ERICH5: variants seen among roughly 807,000 people sequenced by gnomAD.
ERICH5 encodes glutamate-rich protein 5.
ERICH5 carries 24 observed loss-of-function variants against 28.0 expected under a neutral mutation model. The ratio of observed to expected loss-of-function variants is 0.86; its 90% confidence interval spans 0.62 to 1.21. The LOEUF (loss-of-function observed/expected upper bound fraction) is 1.21, where lower values mean the gene tolerates loss of function less well. ERICH5 is among the 50% of genes most tolerant of loss of function. The pLI, the probability that ERICH5 is intolerant of heterozygous loss-of-function variation, is 0.00. For missense variants in ERICH5, 421 were observed against 441.2 expected (o/e 0.95, Z 0.41); for synonymous variants, 163 against 157.6 (o/e 1.03, Z -0.25).
chr8:98,082,374 G>A (rs904310166), intron 1 of ERICH5, among the ~76,000 whole-genome samples: 10 of 152,122 alleles, frequency 6.6e-5, no homozygotes, highest in South Asian at 6.2e-4. Flanking sequence ...GGCTGGGCAC[G>A]GTGGCTCCTG....
rs1815005651 is a variant in ERICH5 at position 98,074,156 on chromosome 8, C to A, written c.58+9429C>A. On this transcript the variant is annotated intron_variant, in intron 1 of 2. Coordinates refer to ENST00000318528, the MANE Select transcript of ERICH5 (RefSeq NM_173549.3). The stretch of plus-strand genomic sequence containing the variant: ...AAGGTATCCGCCTGCCTCAGCCTCC[C>A]AAAGTGCTGGGATTATAGGTGTGAG... Among the ~76,000 whole-genome samples, 9 of 152,104 alleles carry A rather than the reference C, an allele frequency of 5.9e-5. No individual in the cohort carries two copies. In the South Asian group the frequency reaches 1.9e-3, roughly 32 times the overall value.
intron 2 of ERICH5, among the ~76,000 whole-genome samples, chr8:98,091,845 T>TTTCC (rs2130536927): frequency 7.6e-5 from 5 of 66,150 alleles, no homozygotes; most frequent in Admixed American, 6.6e-4. Context: ...TTTTTCTTTC[T>TTTCC]TTCTTTCTTT....
intron 1 of ERICH5, among the ~76,000 whole-genome samples, chr8:98,081,261 A>G (rs1815179397): frequency 6.6e-6 from 1 of 151,898 alleles, no homozygotes; most frequent in African/African-American, 2.4e-5. Flanking sequence ...CTGCACCACC[A>G]TACCCAGCTA....
At chr8:98,079,494 A>G (rs976682585) in intron 1 of ERICH5, among the ~76,000 whole-genome samples, 4 of 152,140 alleles carry the variant, frequency 2.6e-5, no homozygotes, top group East Asian at 1.9e-4. Flanking sequence ...ATTAACACCA[A>G]TCAAGTTTAG....
intron 1 of ERICH5, among the ~76,000 whole-genome samples, chr8:98,065,546 T>A (rs1814804817): frequency 6.6e-6 from 1 of 152,204 alleles, no homozygotes; most frequent in African/African-American, 2.4e-5. Flanking sequence ...AGATTGAAGA[T>A]AGAAGAGACA....
At chr8:98,081,255 A>G (rs1467277575) in intron 1 of ERICH5, among the ~76,000 whole-genome samples, 17 of 151,706 alleles carry the variant, frequency 1.1e-4, no homozygotes, top group Admixed American at 1.1e-3. Context: ...ACAGGCCTGC[A>G]CCACCATACC....
chr8:98,069,749 G>A (rs1477570791), intron 1 of ERICH5, among the ~76,000 whole-genome samples: 1 of 152,100 alleles, frequency 6.6e-6, no homozygotes, highest in Non-Finnish European at 1.5e-5. Flanking sequence ...TAGGTCAAAG[G>A]GTGTACGCAC....
chr8:98,091,889 T>TTTC (rs1313103650), intron 2 of ERICH5, among the ~76,000 whole-genome samples: 1 of 86,238 alleles, frequency 1.2e-5, no homozygotes, highest in African/African-American at 4.8e-5. Context: ...TCTTTCTTTC[T>TTTC]TTCTTTCTTT....
intron 2 of ERICH5, among the ~76,000 whole-genome samples, 187 bp downstream of exon 2, chr8:98,090,216 G>T (rs1056956002): frequency 2.0e-5 from 3 of 152,146 alleles, no homozygotes; most frequent in African/African-American, 7.2e-5. Context: ...CAGTTTGTCA[G>T]CAAAACTTTT....
intron 1 of ERICH5, among the ~76,000 whole-genome samples, chr8:98,080,560 C>T (rs1235763618): frequency 6.6e-6 from 1 of 152,100 alleles, no homozygotes; most frequent in Non-Finnish European, 1.5e-5. Flanking sequence ...GTTTTCCAAT[C>T]TTTCATTTCT....
rs1324989942 is a variant in ERICH5 at position 98,091,876 on chromosome 8, CTTT to C, written c.1013-1344_1013-1342del. ...TCTTTCTTTCTTTCTTTCTTTCTTT[CTTT>C]CTTTCTTTCTTTCTTTCTTTCCTTT... On this transcript the variant is annotated intron_variant, in intron 2 of 2. Coordinates refer to ENST00000318528, the MANE Select transcript of ERICH5 (RefSeq NM_173549.3). Among the ~76,000 whole-genome samples the C allele has an allele frequency of 2.0e-3, 185 of 91,878 alleles. 1 individual carries two copies. The highest frequency in any genetic ancestry group is 3.0e-3 in the South Asian group (7 of 2,300). The allele number at this position is 91,878 out of a possible 152,430, so 60.3% of individuals were successfully genotyped here.
intron 1 of ERICH5, among the ~76,000 whole-genome samples, chr8:98,067,479 A>G (rs983439467): frequency 1.1e-4 from 17 of 151,794 alleles, no homozygotes; most frequent in Admixed American, 6.6e-4. Context: ...AAGAAACTAT[A>G]TGTTTAAACC....
At chr8:98,079,480 C>G (rs1815131745) in intron 1 of ERICH5, among the ~76,000 whole-genome samples, 1 of 152,046 alleles carries the variant, frequency 6.6e-6, no homozygotes, top group Non-Finnish European at 1.5e-5. Context: ...TATGAATGGC[C>G]TTTATTAACA....
At chr8:98,090,339 C>T (rs1304907667) in intron 2 of ERICH5, among the ~76,000 whole-genome samples, 1 of 152,166 alleles carries the variant, frequency 6.6e-6, no homozygotes, top group Non-Finnish European at 1.5e-5. Context: ...CATCAGGCCC[C>T]ATGTATGAAA....
chr8:98,076,308 C>T (rs1815053531), intron 1 of ERICH5, among the ~76,000 whole-genome samples: 1 of 152,034 alleles, frequency 6.6e-6, no homozygotes, highest in Non-Finnish European at 1.5e-5. Flanking sequence ...CCCACCTTGG[C>T]CTCCCAAAGT....
intron 1 of ERICH5, among the ~76,000 whole-genome samples, chr8:98,078,599 A>G (rs767825567): frequency 9.2e-5 from 14 of 152,212 alleles, no homozygotes; most frequent in African/African-American, 2.2e-4. Context: ...AATTTCAGGT[A>G]TGTTAGCTTT....
At chr8:98,074,865 GT>G (rs1170720793) in intron 1 of ERICH5, among the ~76,000 whole-genome samples, 1 of 152,120 alleles carries the variant, frequency 6.6e-6, no homozygotes, top group African/African-American at 2.4e-5. Flanking sequence ...GATGTTCTTA[GT>G]TTTTCTCTAA....
At chr8:98,074,218 A>T (rs1815007496) in intron 1 of ERICH5, among the ~76,000 whole-genome samples, 1 of 152,084 alleles carries the variant, frequency 6.6e-6, no homozygotes, top group African/African-American at 2.4e-5. Flanking sequence ...TTAAAAAAGT[A>T]AATTTATTTA....
At chr8:98,083,797 C>T (rs117227181) in intron 1 of ERICH5, among the ~76,000 whole-genome samples, 6,670 of 152,286 alleles carry the variant, frequency 0.044, 187 homozygotes, top group Middle Eastern at 0.071. Context: ...GTAAAATCTA[C>T]AACCATCTCC....
Sources: gnomAD v4.1 joint callset for allele counts (sites outside exome capture counted in the v4.1 genomes callset) on GRCh38, gnomAD v4.1.1 for gene constraint, MANE v1.5 for transcripts, NCBI Gene and HGNC (gene_info 2026-07-23, HGNC 2026-07-21) for gene names.